Variants in GLRA2 observed in about 807,000 individuals in gnomAD.
The protein encoded by GLRA2 is glycine receptor alpha 2.
GLRA2 carries 11 observed loss-of-function variants against 31.6 expected under a neutral mutation model. That is an observed-to-expected ratio of 0.35 (90% CI 0.22 to 0.58). The LOEUF is 0.58. Ranked by LOEUF, GLRA2 falls within the 20% of genes least tolerant of loss-of-function variation. GLRA2 has a pLI of 0.84. For missense variants in GLRA2, 212 were observed against 351.8 expected (o/e 0.60, Z 3.18); for synonymous variants, 132 against 134.0 (o/e 0.99, Z 0.10).
chrX:14,517,790 T>A, the GLRA2 span, among the ~76,000 whole-genome samples: 1 of 110,896 alleles, frequency 9.0e-6, no homozygotes, highest in Non-Finnish European at 1.9e-5. Flanking sequence ...AGGAAAAAGA[T>A]GAATAAATGT....
chrX:14,455,032 A>G, the GLRA2 span, among the ~76,000 whole-genome samples: 10 of 111,929 alleles, frequency 8.9e-5, no homozygotes, highest in African/African-American at 3.2e-4. Flanking sequence ...AATTAAGAAT[A>G]TATCTTTATT....
Position 14,723,440 on chromosome X carries a change from G to A in GLRA2, c.1081-6767G>A, listed in dbSNP as rs1383564021. Among the ~76,000 whole-genome samples, 3 of 111,789 alleles carry A rather than the reference G, an allele frequency of 2.7e-5. No homozygotes were observed. The East Asian group carries it at 8.4e-4, about 31-fold the overall frequency. On this transcript the variant is annotated intron_variant, in intron 8 of 8. Transcript: ENST00000218075. Reference sequence around the variant, plus strand: ...ATTGCTGTAGCTTTGTAACTTCTTGGATTCACTTTTGCGTTCCTCTAGGCA... The same window carrying A: ...ATTGCTGTAGCTTTGTAACTTCTTGAATTCACTTTTGCGTTCCTCTAGGCA...
chrX:14,485,660 T>C, the GLRA2 span, among the ~76,000 whole-genome samples: 1 of 111,621 alleles, frequency 9.0e-6, no homozygotes, highest in Non-Finnish European at 1.9e-5. Context: ...TTTATCTTTA[T>C]AATGTGCCTG....
chrX:14,526,034 T>C (rs2089186179), upstream of GLRA2, among the ~76,000 whole-genome samples: 1 of 112,243 alleles, frequency 8.9e-6, no homozygotes, highest in African/African-American at 3.2e-5. Context: ...CATACAATGA[T>C]GACGAGCTCC....
At chrX:14,544,007 A>AT (rs756674851) in intron 2 of GLRA2, among the ~76,000 whole-genome samples, 1 of 111,371 alleles carries the variant, frequency 9.0e-6, no homozygotes, top group South Asian at 3.8e-4. Flanking sequence ...TTAAACATAC[A>AT]TAAAATATAA....
In GLRA2 at chrX:14,559,148, A is replaced by G. The variant is rs763196226; in HGVS notation, c.203-15185A>G. Among the ~76,000 whole-genome samples, 15 of 111,743 alleles carry G rather than the reference A, an allele frequency of 1.3e-4. No individual in the cohort carries two copies. The South Asian group carries it at 1.9e-3, about 14-fold the overall frequency. ...TCTGTATGGCAATTTTCTAATTTCTATCAACATGGCTTGTCCAAAGCAAAT... is the reference window on the plus strand; with the variant it reads ...TCTGTATGGCAATTTTCTAATTTCTGTCAACATGGCTTGTCCAAAGCAAAT... On this transcript the variant is annotated intron_variant, in intron 2 of 8. Transcript: ENST00000218075.
the GLRA2 span, among the ~76,000 whole-genome samples, chrX:14,471,255 GT>G: frequency 8.9e-6 from 1 of 111,947 alleles, no homozygotes; most frequent in South Asian, 3.7e-4. Context: ...ATTAACATGT[GT>G]TTCCCTGATT....
intron 2 of GLRA2, among the ~76,000 whole-genome samples, chrX:14,560,562 C>A (rs1240801424): frequency 9.0e-6 from 1 of 111,150 alleles, no homozygotes; most frequent in Non-Finnish European, 1.9e-5. Flanking sequence ...ATAATCCCAG[C>A]ACTTCAGGAG....
At chrX:14,526,381 A>G (rs769535013), upstream of GLRA2, among the ~76,000 whole-genome samples, 1 of 112,558 alleles carries the variant, frequency 8.9e-6, no homozygotes, top group South Asian at 3.7e-4. Context: ...CTGTGACATA[A>G]TCAGATTCTG....
chrX:14,525,957 C>G (rs959900627), upstream of GLRA2, among the ~76,000 whole-genome samples: 9 of 111,734 alleles, frequency 8.1e-5, no homozygotes, highest in African/African-American at 2.9e-4. Context: ...AATGGTGGAC[C>G]AAAGCATGTA....
intron 7 of GLRA2, among the ~76,000 whole-genome samples, chrX:14,662,831 TCAA>T (rs2091004684): frequency 8.9e-6 from 1 of 112,418 alleles, no homozygotes; most frequent in Non-Finnish European, 1.9e-5. Flanking sequence ...TTTGTTCAAA[TCAA>T]CTTTTGTGTT....
chrX:14,504,636 A>G, the GLRA2 span, among the ~76,000 whole-genome samples: 5 of 111,787 alleles, frequency 4.5e-5, no homozygotes, highest in Non-Finnish European at 9.4e-5. Flanking sequence ...GTTACTTAAT[A>G]AAACCCTCTT....
the GLRA2 span, among the ~76,000 whole-genome samples, chrX:14,487,161 A>G: frequency 9.1e-6 from 1 of 110,244 alleles, no homozygotes; most frequent in African/African-American, 3.3e-5. Flanking sequence ...GTTGTCTAAT[A>G]TGGTAGTCAA....
chrX:14,464,845 G>A, the GLRA2 span, among the ~76,000 whole-genome samples: 15,717 of 111,545 alleles, frequency 0.14, 1,006 homozygotes, highest in Non-Finnish European at 0.2. Flanking sequence ...GTGAGCCACC[G>A]CGCCCAGCCT....
chrX:14,690,512 G>A (rs1177028460), intron 7 of GLRA2, among the ~76,000 whole-genome samples, 198 bp from the exon 8 acceptor site: 1 of 111,974 alleles, frequency 8.9e-6, no homozygotes, highest in East Asian at 2.8e-4. Context: ...GACTTTCAGT[G>A]CTCTGCCCAG....
rs1366378515 is a variant in GLRA2 at position 14,587,301 on chromosome X, A to G, written c.494+5895A>G. ...TAGAACAATTTATTTTCTTTGGGGT[A>G]CACACCCAGGAATGGGATTGCTGGT... On this transcript the variant is annotated intron_variant, in intron 4 of 8. Transcript: ENST00000218075. 5.4e-5 allele frequency among the ~76,000 whole-genome samples: 6 copies of G among 112,066 alleles called. No homozygotes were observed. The East Asian group carries it at 1.7e-3, about 31-fold the overall frequency.
chrX:14,659,179 A>G (rs1343269573), intron 7 of GLRA2, among the ~76,000 whole-genome samples: 1 of 112,218 alleles, frequency 8.9e-6, no homozygotes, highest in Non-Finnish European at 1.9e-5. Context: ...ACATACATCT[A>G]TGGCTGCTTT....
chrX:14,538,416 T>C (rs2089355687), intron 2 of GLRA2, among the ~76,000 whole-genome samples: 1 of 111,940 alleles, frequency 8.9e-6, no homozygotes, highest in Admixed American at 9.5e-5. Flanking sequence ...TTACTGTGTA[T>C]TGTGAAAACA....
intron 7 of GLRA2, among the ~76,000 whole-genome samples, chrX:14,682,903 G>T (rs2091230527): frequency 9.0e-6 from 1 of 111,388 alleles, no homozygotes; most frequent in Admixed American, 9.5e-5. Context: ...TGGCTGCATA[G>T]TATTCCATGG....
Sources: allele counts gnomAD v4.1 joint callset (sites outside exome capture counted in the v4.1 genomes callset), GRCh38; gene constraint gnomAD v4.1.1; transcripts MANE v1.5; gene names NCBI Gene and HGNC (gene_info 2026-07-23, HGNC 2026-07-21).